Variants in TAFA5 observed in about 807,000 individuals in gnomAD.
The protein encoded by TAFA5 is TAFA chemokine like family member 5.
In TAFA5, 6 loss-of-function variants were observed where a neutral mutation model predicts 15.3. That is an observed-to-expected ratio of 0.39 (90% CI 0.21 to 0.77). TAFA5 has a LOEUF of 0.77. TAFA5 is among the 30% of genes least tolerant of loss of function. TAFA5 has a pLI of 0.41. For missense variants in TAFA5, 161 were observed against 193.1 expected, an observed-to-expected ratio of 0.83 and a Z score of 0.98; for synonymous variants, 103 against 80.7, an observed-to-expected ratio of 1.28 and a Z score of -1.48.
At chr22:48,674,057 T>TTC (rs71924051) in intron 2 of TAFA5, among the ~76,000 whole-genome samples, 1 of 62,584 alleles carries the variant, frequency 1.6e-5, no homozygotes, top group Non-Finnish European at 2.7e-5. Context: ...TGGACTCCTC[T>TTC]GCCCGCCTCA....
intron 3 of TAFA5, among the ~76,000 whole-genome samples, chr22:48,710,344 C>T (rs539152846): frequency 6.6e-6 from 1 of 152,308 alleles, no homozygotes; most frequent in East Asian, 1.9e-4. Flanking sequence ...TGTTTTCCTT[C>T]ACTGTTGGCC....
chr22:48,745,251 G>A (rs895440446), intron 3 of TAFA5, among the ~76,000 whole-genome samples: 7 of 151,708 alleles, frequency 4.6e-5, no homozygotes, highest in African/African-American at 1.2e-4. Flanking sequence ...CTTTGTCGGC[G>A]GCGGCTGGCC....
intron 1 of TAFA5, among the ~76,000 whole-genome samples, chr22:48,636,515 A>T (rs1926449987): frequency 6.0e-5 from 2 of 33,360 alleles, no homozygotes. Flanking sequence ...TAGGCACTTA[A>T]CTTATGAGTC....
At chr22:48,639,757 C>T (rs931155215) in intron 1 of TAFA5, among the ~76,000 whole-genome samples, 3 of 152,226 alleles carry the variant, frequency 2.0e-5, no homozygotes, top group African/African-American at 7.2e-5. Flanking sequence ...CTTATAAAAA[C>T]AGAGTGGCTG....
rs529764962 is a variant in TAFA5 at position 48,593,084 on chromosome 22, C to T, written c.113-53513C>T. 1.4e-4 allele frequency among the ~76,000 whole-genome samples: 22 copies of T among 152,334 alleles called. 1 individual carries two copies. In the East Asian group the frequency reaches 3.1e-3, roughly 21 times the overall value. ...CTGAGATGTCCTCCGGGAATCCCGA[C>T]AGGAGCCGCAGCAGACGCGGGATGG... On this transcript the variant is annotated intron_variant, in intron 1 of 3. Coordinates refer to ENST00000402357, the MANE Select transcript of TAFA5 (RefSeq NM_001082967.3).
intron 1 of TAFA5, among the ~76,000 whole-genome samples, chr22:48,593,090 C>G (rs1385447585): frequency 6.6e-6 from 1 of 152,220 alleles, no homozygotes; most frequent in African/African-American, 2.4e-5. Context: ...CCGACAGGAG[C>G]CGCAGCAGAC....
At chr22:48,576,751 CG>C (rs1923824351) in intron 1 of TAFA5, among the ~76,000 whole-genome samples, 1 of 151,428 alleles carries the variant, frequency 6.6e-6, no homozygotes, top group Admixed American at 6.6e-5. Context: ...CGACCCCCCG[CG>C]GATCTCGCTG....
chr22:48,740,685 T>C (rs913851358), intron 3 of TAFA5, among the ~76,000 whole-genome samples: 1 of 152,170 alleles, frequency 6.6e-6, no homozygotes, highest in Non-Finnish European at 1.5e-5. Flanking sequence ...ATGTCACGTG[T>C]CCACCCCTGA....
chr22:48,514,485 T>C (rs937502160), intron 1 of TAFA5, among the ~76,000 whole-genome samples: 1 of 152,194 alleles, frequency 6.6e-6, no homozygotes, highest in Admixed American at 6.5e-5. Context: ...AACATGGGGT[T>C]AATTGAGGTG....
intron 1 of TAFA5, among the ~76,000 whole-genome samples, chr22:48,592,192 G>A (rs1601601124): frequency 6.6e-6 from 1 of 152,302 alleles, no homozygotes; most frequent in African/African-American, 2.4e-5. Context: ...TGCCAGTGCT[G>A]TGCCCAGGGC....
chr22:48,538,279 G>A (rs1367527588), intron 1 of TAFA5, among the ~76,000 whole-genome samples: 1 of 152,196 alleles, frequency 6.6e-6, no homozygotes, highest in Non-Finnish European at 1.5e-5. Flanking sequence ...AGGTGGAGGA[G>A]GAGGACAGTC....
At position 48,645,228 on chromosome 22, in the gene TAFA5, C is replaced by G. The variant is rs190195062; in HGVS notation, c.113-1369C>G. Reference sequence around the variant, plus strand: ...TGGGCAGCACTGGCTGAGGGACAAGCTCCATCCTGCCCTGGGGATGCTGGG... The same window carrying G: ...TGGGCAGCACTGGCTGAGGGACAAGGTCCATCCTGCCCTGGGGATGCTGGG... On this transcript the variant is annotated intron_variant, in intron 1 of 3. Coordinates refer to ENST00000402357, the MANE Select transcript of TAFA5 (RefSeq NM_001082967.3). 1.8e-3 allele frequency among the ~76,000 whole-genome samples: 281 copies of G among 152,220 alleles called. 3 individuals are homozygous for G. The highest frequency in any genetic ancestry group is 0.017 in the Admixed American group (259 of 15,292).
At chr22:48,582,060 C>G (rs1486589061) in intron 1 of TAFA5, among the ~76,000 whole-genome samples, 2 of 152,056 alleles carry the variant, frequency 1.3e-5, no homozygotes, top group African/African-American at 2.4e-5. Context: ...GACCCGGTAG[C>G]CTTTGTACTG....
intron 2 of TAFA5, among the ~76,000 whole-genome samples, chr22:48,667,684 C>A (rs1927663908): frequency 6.6e-6 from 1 of 152,166 alleles, no homozygotes; most frequent in South Asian, 2.1e-4. Context: ...CGGCTTCTGG[C>A]CACCAGGGCC....
intron 1 of TAFA5, among the ~76,000 whole-genome samples, chr22:48,511,835 G>A (rs1239835986): frequency 6.6e-6 from 1 of 152,244 alleles, no homozygotes; most frequent in African/African-American, 2.4e-5. Context: ...GCTTGTGCCT[G>A]GTGCGTCCCC....
intron 1 of TAFA5, among the ~76,000 whole-genome samples, chr22:48,564,874 G>A (rs997443384): frequency 6.6e-5 from 10 of 152,334 alleles, no homozygotes; most frequent in South Asian, 2.1e-4. Flanking sequence ...TCGGTGCCAC[G>A]CACAGTCTGA....
chr22:48,562,762 G>A (rs902175115), intron 1 of TAFA5, among the ~76,000 whole-genome samples: 4 of 152,180 alleles, frequency 2.6e-5, no homozygotes, highest in Non-Finnish European at 5.9e-5. Context: ...GTGGGTCAGG[G>A]CGGGTCAGGC....
intron 1 of TAFA5, among the ~76,000 whole-genome samples, chr22:48,537,924 C>T (rs1236437385): frequency 5.9e-5 from 9 of 152,254 alleles, no homozygotes; most frequent in South Asian, 4.1e-4. Flanking sequence ...GGCAGGGGCA[C>T]GATGCCTTCC....
intron 3 of TAFA5, among the ~76,000 whole-genome samples, chr22:48,741,457 C>T (rs1167734835): frequency 6.6e-6 from 1 of 152,218 alleles, no homozygotes; most frequent in Non-Finnish European, 1.5e-5. Flanking sequence ...GTCCTCAAGT[C>T]CCTGAGTCCA....
Sources: allele counts gnomAD v4.1 joint callset (sites outside exome capture counted in the v4.1 genomes callset), GRCh38; gene constraint gnomAD v4.1.1; transcripts MANE v1.5; gene names NCBI Gene and HGNC (gene_info 2026-07-23, HGNC 2026-07-21).